Variants in KCNB2 observed in about 807,000 individuals in gnomAD.
The protein encoded by KCNB2 is potassium voltage-gated channel subfamily B member 2.
In KCNB2, 15 loss-of-function variants were observed where a neutral mutation model predicts 61.5. The observed-to-expected ratio is 0.24, with a 90% CI of 0.16 to 0.38. KCNB2 has a LOEUF of 0.38. KCNB2 is among the 10% of genes least tolerant of loss of function. The pLI is 1.00. For missense variants in KCNB2, 828 were observed against 1,125.2 expected, an observed-to-expected ratio of 0.74 and a Z score of 3.78; for synonymous variants, 457 against 446.0, an observed-to-expected ratio of 1.02 and a Z score of -0.31.
intron 2 of KCNB2, among the ~76,000 whole-genome samples, chr8:72,922,368 A>G (rs1806541328): frequency 1.3e-5 from 2 of 152,228 alleles, no homozygotes; most frequent in South Asian, 4.1e-4. Flanking sequence ...TGGATGTACA[A>G]GAATTCTGGA....
intron 1 of KCNB2, among the ~76,000 whole-genome samples, chr8:72,555,027 C>T (rs970354207): frequency 2.0e-5 from 3 of 151,982 alleles, no homozygotes; most frequent in Non-Finnish European, 4.4e-5. Flanking sequence ...CATCCAGAAT[C>T]CTTCAATTCA....
chr8:72,798,231 T>G (rs968949400), intron 2 of KCNB2, among the ~76,000 whole-genome samples: 1 of 152,196 alleles, frequency 6.6e-6, no homozygotes, highest in Non-Finnish European at 1.5e-5. Flanking sequence ...ATAGGAACTT[T>G]CCTGTTATGT....
At chr8:72,807,591 A>G (rs968366165) in intron 2 of KCNB2, among the ~76,000 whole-genome samples, 1 of 152,232 alleles carries the variant, frequency 6.6e-6, no homozygotes, top group Non-Finnish European at 1.5e-5. Flanking sequence ...ACAAAGGTGA[A>G]GTCTGACCTT....
intron 2 of KCNB2, among the ~76,000 whole-genome samples, chr8:72,665,779 A>G (rs1349769762): frequency 2.3e-5 from 3 of 132,420 alleles, no homozygotes; most frequent in Non-Finnish European, 4.9e-5. Context: ...AGTTCTATTC[A>G]GATGATTATG....
chr8:72,561,725 A>ATATATATGTG (rs1806523781), intron 1 of KCNB2, among the ~76,000 whole-genome samples: 1 of 28,358 alleles, frequency 3.5e-5, no homozygotes, highest in African/African-American at 2.2e-4. Context: ...ATATATATAT[A>ATATATATGTG]TATCTATATC....
intron 2 of KCNB2, among the ~76,000 whole-genome samples, chr8:72,803,818 G>T (rs1188675934): frequency 1.3e-5 from 2 of 152,224 alleles, no homozygotes; most frequent in Non-Finnish European, 2.9e-5. Context: ...CTTCTTCTGG[G>T]CTGCTGGGAT....
At chr8:72,682,912 T>TGGCTCA (rs1319120442) in intron 2 of KCNB2, among the ~76,000 whole-genome samples, 2 of 152,178 alleles carry the variant, frequency 1.3e-5, no homozygotes, top group Non-Finnish European at 2.9e-5. Context: ...TAGCCTAAGG[T>TGGCTCA]TGAATTCTAA....
At chr8:72,611,423 A>G (rs528518231) in intron 2 of KCNB2, among the ~76,000 whole-genome samples, 10 of 152,322 alleles carry the variant, frequency 6.6e-5, no homozygotes, top group Admixed American at 3.3e-4. Context: ...ACTCTTGGGT[A>G]TTTGTGACCC....
intron 2 of KCNB2, among the ~76,000 whole-genome samples, chr8:72,685,324 TA>T (rs1806832611): frequency 1.3e-5 from 2 of 152,158 alleles, no homozygotes; most frequent in African/African-American, 4.8e-5. Context: ...CTGAAAAATA[TA>T]TATATAAAAC....
intron 2 of KCNB2, among the ~76,000 whole-genome samples, chr8:72,834,579 A>G (rs1044895173): frequency 4.6e-5 from 7 of 152,152 alleles, no homozygotes; most frequent in Non-Finnish European, 1.5e-5. Context: ...CCTGAGCCAC[A>G]AACCTGAGCC....
chr8:72,700,496 A>C (rs1807101551), intron 2 of KCNB2, among the ~76,000 whole-genome samples: 1 of 152,148 alleles, frequency 6.6e-6, no homozygotes, highest in Non-Finnish European at 1.5e-5. Flanking sequence ...ACAAATCAAA[A>C]CCACAATGAG....
At chr8:72,554,752 T>C (rs1034070100) in intron 1 of KCNB2, among the ~76,000 whole-genome samples, 1 of 152,108 alleles carries the variant, frequency 6.6e-6, no homozygotes, top group African/African-American at 2.4e-5. Context: ...AAATCTTGAA[T>C]ACTAAGACTA....
chr8:72,597,607 T>C (rs1418640030), intron 2 of KCNB2, among the ~76,000 whole-genome samples: 1 of 152,208 alleles, frequency 6.6e-6, no homozygotes, highest in Non-Finnish European at 1.5e-5. Flanking sequence ...AAAGTTAAAC[T>C]TAGCAGAGAG....
intron 2 of KCNB2, among the ~76,000 whole-genome samples, chr8:72,870,391 G>A (rs73315058): frequency 0.013 from 1,987 of 152,192 alleles, 58 homozygotes; most frequent in African/African-American, 0.046. Flanking sequence ...TTGTATAATT[G>A]CATTGAGAAA....
intron 2 of KCNB2, among the ~76,000 whole-genome samples, chr8:72,830,928 C>A (rs574189772): frequency 6.1e-4 from 93 of 152,302 alleles, no homozygotes; most frequent in African/African-American, 2.0e-3. Flanking sequence ...CACAAAAAAT[C>A]CCAGGTTTAC....
intron 2 of KCNB2, among the ~76,000 whole-genome samples, chr8:72,723,060 G>A (rs1290206909): frequency 1.3e-5 from 2 of 152,164 alleles, no homozygotes; most frequent in East Asian, 3.9e-4. Context: ...ATATTCTTGC[G>A]AGAATTAACA....
In KCNB2 at chr8:72,859,706, C is replaced by CTTTTTTTTTTTTTTTTTTTTTT. The variant is rs1810264452; in HGVS notation, c.580-76229_580-76228insTTTTTTTTTTTTTTTTTTTTTT. 4.4e-4 allele frequency among the ~76,000 whole-genome samples: 32 copies of CTTTTTTTTTTTTTTTTTTTTTT among 73,442 alleles called. 16 individuals are homozygous for CTTTTTTTTTTTTTTTTTTTTTT. The highest frequency in any genetic ancestry group is 2.9e-4 in the Non-Finnish European group (12 of 41,246). The allele number at this position is 73,442 out of a possible 152,430, so 48.2% of individuals were successfully genotyped here. A position where few individuals can be genotyped will look rare whatever the true frequency, so the allele number is the denominator to read the frequency against. Reference sequence around the variant, plus strand: ...TGTAGCATGGATCAGTACTTCATTTCGTTTTTTTTTTTTTTTTTTTTTTTT... The same window carrying CTTTTTTTTTTTTTTTTTTTTTT: ...TGTAGCATGGATCAGTACTTCATTTCTTTTTTTTTTTTTTTTTTTTTTGTTTTTTTTTTTTTTTTTTTTTTTT... On this transcript the variant is annotated intron_variant, in intron 2 of 2. Coordinates refer to ENST00000523207, the MANE Select transcript of KCNB2 (RefSeq NM_004770.3).
chr8:72,827,012 T>C (rs985796680), intron 2 of KCNB2, among the ~76,000 whole-genome samples: 1 of 152,248 alleles, frequency 6.6e-6, no homozygotes, highest in African/African-American at 2.4e-5. Context: ...TTCTTTGCTA[T>C]TATCGTCATC....
intron 2 of KCNB2, among the ~76,000 whole-genome samples, chr8:72,728,512 A>G (rs1807687630): frequency 6.6e-6 from 1 of 152,182 alleles, no homozygotes; most frequent in Non-Finnish European, 1.5e-5. Context: ...TACATGTATT[A>G]TGTTTCAAGC....
Sources: gnomAD v4.1 joint callset for allele counts (sites outside exome capture counted in the v4.1 genomes callset) on GRCh38, gnomAD v4.1.1 for gene constraint, MANE v1.5 for transcripts, NCBI Gene and HGNC (gene_info 2026-07-23, HGNC 2026-07-21) for gene names.